Variants in TENM4 observed in about 807,000 individuals in gnomAD.
TENM4 encodes the protein teneurin transmembrane protein 4, also known as teneurin-4.
Under a neutral mutation model 243.3 loss-of-function variants are expected in TENM4, and 82 were observed. The ratio of observed to expected loss-of-function variants is 0.34; its 90% CI spans 0.28 to 0.40. The LOEUF is 0.40. TENM4 is among the 10% of genes least tolerant of loss of function. TENM4 has a pLI of 1.00. For synonymous variants in TENM4, 1,412 were observed against 1,456.3 expected (o/e 0.97, Z 0.69); for missense variants, 3,138 against 3,673.3 (o/e 0.85, Z 3.77).
At chr11:78,712,051 C>T (rs1590959264) in intron 26 of TENM4, among the ~76,000 whole-genome samples, 1 of 152,178 alleles carries the variant, frequency 6.6e-6, no homozygotes, top group African/African-American at 2.4e-5. Context: ...ACACGATACA[C>T]TAAAATGTTT....
At chr11:79,200,038 CTG>C (rs1305363622) in intron 3 of TENM4, among the ~76,000 whole-genome samples, 1 of 152,204 alleles carries the variant, frequency 6.6e-6, no homozygotes, top group Admixed American at 6.5e-5. Flanking sequence ...AAAAAACTGA[CTG>C]AGATCCAGCT....
rs1591254300 is a variant in TENM4, at chr11:79,064,744, C to T, written c.487G>A (p.Glu163Lys). 6.4e-7 allele frequency: 1 copy of T among 1,551,694 alleles called. No individual in the cohort carries two copies. The highest frequency in any genetic ancestry group is 2.4e-5 in the East Asian group (1 of 40,914). ...TLTDTEHENT[E>K]TDHPGGLQNH... Reference sequence around the variant, plus strand: ...GACCAAACCAGCCACTCACCAGTCTCAGTGTTTTCATGCTCGGTGTCGGTG... The same window carrying T: ...GACCAAACCAGCCACTCACCAGTCTTAGTGTTTTCATGCTCGGTGTCGGTG... The change falls in exon 6 of 34, where the codon GAG (glutamate) becomes AAG (lysine). Residue 163 changes from glutamate (E) to lysine (K), a missense_variant. This residue lies in a region of TENM4 where 671 missense variants were observed against 614.1 expected (regional missense o/e 1.09). Transcript: ENST00000278550.
chr11:78,851,407 C>G (rs563212634), intron 12 of TENM4, among the ~76,000 whole-genome samples: 4 of 152,344 alleles, frequency 2.6e-5, no homozygotes, highest in African/African-American at 7.2e-5. Flanking sequence ...TTAGCAAGCT[C>G]TGACAAGCCA....
At chr11:78,911,045 G>T (rs531559645) in intron 6 of TENM4, among the ~76,000 whole-genome samples, 1 of 152,172 alleles carries the variant, frequency 6.6e-6, no homozygotes, top group Admixed American at 6.5e-5. Flanking sequence ...CAGAACTTTC[G>T]GTGAACACTC....
chr11:79,428,833 C>T (rs1156541406), intron 1 of TENM4, among the ~76,000 whole-genome samples: 1 of 152,170 alleles, frequency 6.6e-6, no homozygotes, highest in Non-Finnish European at 1.5e-5. Context: ...ATATAAGATC[C>T]CTTTATGCTG....
In TENM4 at chr11:78,655,745, G is replaced by A. The variant is rs1259683655; in HGVS notation, c.*2313C>T. 6.6e-6 allele frequency: 1 copy of A among 152,170 alleles called. No homozygotes were observed. The highest frequency in any genetic ancestry group is 1.5e-5 in the Non-Finnish European group (1 of 68,072). 9.4% of individuals were successfully genotyped at this position (152,170 alleles called of 1,614,324 possible). A position where few individuals can be genotyped will look rare whatever the true frequency, so the allele number is the denominator to read the frequency against. ...CAGCCAGGATGGGACTGATCAACTGGGCAGGAGCACTTTGCCCAAGGGCCC... is the reference window on the plus strand; with the variant it reads ...CAGCCAGGATGGGACTGATCAACTGAGCAGGAGCACTTTGCCCAAGGGCCC... On this transcript the variant is annotated 3_prime_UTR_variant, in exon 34 of 34. Transcript: ENST00000278550.
intron 15 of TENM4, among the ~76,000 whole-genome samples, chr11:78,789,300 G>A (rs890991348): frequency 2.3e-5 from 1 of 42,940 alleles, no homozygotes; most frequent in South Asian, 5.6e-4. Context: ...GTATGAGACT[G>A]TCCCACGTGA....
chr11:78,918,149 G>A (rs191539329), intron 6 of TENM4, among the ~76,000 whole-genome samples: 144 of 152,170 alleles, frequency 9.5e-4, no homozygotes, highest in Admixed American at 1.4e-3. Flanking sequence ...TGACCTGTAC[G>A]TTTCACCTGG....
At chr11:79,047,135 C>T (rs1859678145) in intron 6 of TENM4, among the ~76,000 whole-genome samples, 1 of 152,112 alleles carries the variant, frequency 6.6e-6, no homozygotes, top group Admixed American at 6.5e-5. Context: ...CGGCAAAACC[C>T]GCAATTACTT....
chr11:78,751,847 A>C (rs1240081899), intron 19 of TENM4, among the ~76,000 whole-genome samples: 8 of 152,108 alleles, frequency 5.3e-5, no homozygotes, highest in Non-Finnish European at 1.2e-4. Flanking sequence ...TTGTATTGAC[A>C]GTGCAGTTGG....
chr11:79,227,392 G>A (rs1036718596), intron 2 of TENM4, among the ~76,000 whole-genome samples: 1 of 152,184 alleles, frequency 6.6e-6, no homozygotes, highest in Non-Finnish European at 1.5e-5. Flanking sequence ...CAATGGAAAG[G>A]TCGAGAGGGG....
intron 4 of TENM4, among the ~76,000 whole-genome samples, chr11:79,138,352 TATATAATATATAATATAA>T (rs1862158384): frequency 8.1e-6 from 1 of 123,682 alleles, no homozygotes; most frequent in Non-Finnish European, 1.6e-5. Flanking sequence ...TATATAAAAA[TATATAATATATAATATAA>T]ATATAATATA....
intron 1 of TENM4, among the ~76,000 whole-genome samples, chr11:79,417,016 AAT>A (rs900642263): frequency 5.3e-5 from 8 of 152,226 alleles, no homozygotes; most frequent in Non-Finnish European, 1.0e-4. Context: ...GGTCCTGATC[AAT>A]ATCTCAATAC....
chr11:79,003,156 T>G (rs1858377625), intron 6 of TENM4, among the ~76,000 whole-genome samples: 1 of 151,708 alleles, frequency 6.6e-6, no homozygotes, highest in Admixed American at 6.6e-5. Flanking sequence ...TATGGAATTG[T>G]GTAAAGAGGC....
chr11:79,220,839 TAC>T (rs1864142233), intron 2 of TENM4: 1 of 152,212 alleles, frequency 6.6e-6, no homozygotes, highest in Non-Finnish European at 1.5e-5. Flanking sequence ...CTGTACAAAC[TAC>T]AGAGTCTGTA....
chr11:78,969,848 A>G (rs1442654620), intron 6 of TENM4, among the ~76,000 whole-genome samples: 1 of 152,240 alleles, frequency 6.6e-6, no homozygotes, highest in Non-Finnish European at 1.5e-5. Flanking sequence ...ACTTAGCCCA[A>G]CACACAGCCA....
intron 6 of TENM4, among the ~76,000 whole-genome samples, chr11:79,061,429 G>C (rs1226740876): frequency 6.6e-6 from 1 of 152,172 alleles, no homozygotes; most frequent in Non-Finnish European, 1.5e-5. Context: ...GTGAGGCTTT[G>C]AGTTCTGTGG....
chr11:78,728,184 C>T (rs992408726), intron 22 of TENM4, among the ~76,000 whole-genome samples: 1 of 152,172 alleles, frequency 6.6e-6, no homozygotes, highest in Non-Finnish European at 1.5e-5. Context: ...AGAGATGGCA[C>T]CTTTGCTCCC....
intron 3 of TENM4, among the ~76,000 whole-genome samples, chr11:79,177,597 TG>T (rs1344906901): frequency 6.6e-6 from 1 of 152,082 alleles, no homozygotes; most frequent in East Asian, 1.9e-4. Flanking sequence ...ATCAATATTA[TG>T]GAGGAAAGTA....
Sources: gnomAD v4.1 joint callset for allele counts (sites outside exome capture counted in the v4.1 genomes callset) on GRCh38, gnomAD v4.1.1 for gene constraint, gnomAD v4.1.1 regional missense constraint, MANE v1.5 for transcripts, NCBI Gene and HGNC (gene_info 2026-07-23, HGNC 2026-07-21) for gene names.